PDE1C: variants seen among roughly 807,000 people sequenced by gnomAD.
PDE1C encodes the protein phosphodiesterase 1C.
Under a neutral mutation model 93.1 loss-of-function variants are expected in PDE1C, and 62 were observed. The observed-to-expected ratio is 0.67, with a 90% CI of 0.54 to 0.82. PDE1C has a LOEUF of 0.82. PDE1C is among the 40% of genes least tolerant of loss of function. PDE1C has a pLI of 0.00. For synonymous variants in PDE1C, 325 were observed against 310.1 expected, an observed-to-expected ratio of 1.05 and a Z score of -0.50; for missense variants, 742 against 884.6, an observed-to-expected ratio of 0.84 and a Z score of 2.04.
At chr7:31,853,973 A>C (rs7809627) in intron 7 of PDE1C, among the ~76,000 whole-genome samples, 27,589 of 150,876 alleles carry the variant, frequency 0.18, 2,705 homozygotes, top group South Asian at 0.24. Context: ...GCAATCCACC[A>C]ATCTGGGCCT....
At chr7:31,931,633 G>T (rs2128981747) in intron 2 of PDE1C, among the ~76,000 whole-genome samples, 1 of 152,270 alleles carries the variant, frequency 6.6e-6, no homozygotes, top group African/African-American at 2.4e-5. Context: ...TGGATAGGAA[G>T]AATCAATATC....
chr7:31,788,923 G>GA (rs1156548738), intron 16 of PDE1C: 2 of 152,076 alleles, frequency 1.3e-5, no homozygotes, highest in Non-Finnish European at 2.9e-5. Context: ...CTTTCTGCCT[G>GA]AAAAAATGCC....
chr7:31,791,923 G>C (rs1457815683), intron 16 of PDE1C, among the ~76,000 whole-genome samples: 2 of 152,102 alleles, frequency 1.3e-5, no homozygotes. Flanking sequence ...GCTTATGGGT[G>C]AGATGGTGGA....
At chr7:32,127,803 C>T (rs1799669183) in intron 3 of PDE1C, among the ~76,000 whole-genome samples, 1 of 151,892 alleles carries the variant, frequency 6.6e-6, no homozygotes, top group South Asian at 2.1e-4. Flanking sequence ...TAAATTATCC[C>T]CTATTTAACC....
intron 1 of PDE1C, among the ~76,000 whole-genome samples, chr7:32,368,215 C>T (rs891794100): frequency 6.6e-6 from 1 of 151,840 alleles, no homozygotes; most frequent in Admixed American, 6.6e-5. Flanking sequence ...TTGCAGACAA[C>T]ATAATCTTAT....
chr7:32,302,538 G>A (rs1230478704), upstream of PDE1C, among the ~76,000 whole-genome samples: 1 of 152,152 alleles, frequency 6.6e-6, no homozygotes. Context: ...ATATAAAAAA[G>A]AATCTGGCAG....
intron 2 of PDE1C, among the ~76,000 whole-genome samples, chr7:31,904,209 A>T (rs1314755439): frequency 6.6e-6 from 1 of 152,128 alleles, no homozygotes; most frequent in African/African-American, 2.4e-5. Flanking sequence ...TTAGGACAGA[A>T]GCTGGAATCC....
chr7:32,363,480 G>T (rs1012578163), intron 1 of PDE1C, among the ~76,000 whole-genome samples: 3 of 152,232 alleles, frequency 2.0e-5, no homozygotes, highest in Admixed American at 2.0e-4. Flanking sequence ...CCCAAACTGT[G>T]AAGTGAAACC....
chr7:32,144,435 A>T lies in PDE1C; in HGVS notation c.308+25350T>A, dbSNP rs866418229. On this transcript the variant is annotated intron_variant, in intron 3 of 18. Coordinates refer to the PDE1C transcript ENST00000396193. ...ATAGGTTTTGATTGACCCAGCCAGA[A>T]ACACCTGCCCATCTCCAGGCAATCA... Among the ~76,000 whole-genome samples the T allele has an allele frequency of 3.3e-5, 5 of 152,142 alleles. No individual in the cohort carries two copies. The South Asian group carries it at 1.0e-3, about 32-fold the overall frequency.
At chr7:31,908,283 T>G (rs1404572614) in intron 2 of PDE1C, among the ~76,000 whole-genome samples, 1 of 152,206 alleles carries the variant, frequency 6.6e-6, no homozygotes, top group African/African-American at 2.4e-5. Flanking sequence ...TTTTTTAAAT[T>G]GTTGCTTCTT....
chr7:31,733,764 G>T, the PDE1C span, among the ~76,000 whole-genome samples: 8 of 152,208 alleles, frequency 5.3e-5, no homozygotes, highest in Non-Finnish European at 1.0e-4. Flanking sequence ...GGAGGCTGAG[G>T]AGGGTGGGTC....
upstream of PDE1C, among the ~76,000 whole-genome samples, chr7:32,076,035 G>A (rs1262100546): frequency 1.3e-5 from 2 of 152,050 alleles, no homozygotes; most frequent in Non-Finnish European, 2.9e-5. Flanking sequence ...GTCTGGCCTG[G>A]GCTAACCAAG....
chr7:32,175,409 C>T (rs1412570132), intron 2 of PDE1C, among the ~76,000 whole-genome samples: 10 of 152,170 alleles, frequency 6.6e-5, no homozygotes, highest in Non-Finnish European at 7.3e-5. Flanking sequence ...CTCTAAAATG[C>T]TTTATTGCTG....
At chr7:32,318,611 C>A (rs1229273473) in intron 1 of PDE1C, among the ~76,000 whole-genome samples, 1 of 152,200 alleles carries the variant, frequency 6.6e-6, no homozygotes, top group African/African-American at 2.4e-5. Context: ...CTGCACAAGC[C>A]TTCTTGGGCA....
At chr7:32,029,729 A>C (rs780068643) in intron 2 of PDE1C, among the ~76,000 whole-genome samples, 1 of 152,122 alleles carries the variant, frequency 6.6e-6, no homozygotes, top group Non-Finnish European at 1.5e-5. Flanking sequence ...AGGTTTAAAA[A>C]ATTGTGTAAA....
At chr7:31,743,368 C>G in the PDE1C span, among the ~76,000 whole-genome samples, 13 of 152,122 alleles carry the variant, frequency 8.5e-5, no homozygotes, top group South Asian at 2.1e-4. Context: ...CCGCTCTTCC[C>G]CCTCCTTGGA....
chr7:31,878,000 G>T lies in PDE1C; in HGVS notation c.462C>A (p.Ser154Arg), dbSNP rs750382262. The change falls in exon 5 of 18, where the codon AGC (serine) becomes AGA (arginine). Residue 154 changes from serine to arginine, a missense_variant. By Grantham distance (110) the Ser-to-Arg change is moderately radical. This residue lies in a region of PDE1C where 205 missense variants were observed against 295.3 expected (regional missense o/e 0.69). Coordinates refer to ENST00000396191, the MANE Select transcript of PDE1C (RefSeq NM_001191057.4). ...ATGCCTCAATAACAGCTGGTGGATAGCTCAGTCCAACCATGTTTGATGTCC... is the reference window on the plus strand; with the variant it reads ...ATGCCTCAATAACAGCTGGTGGATATCTCAGTCCAACCATGTTTGATGTCC... ...YRRTSNMVGL[S>R]YPPAVIEALK... 1 of 1,612,824 alleles carries T rather than the reference G, an allele frequency of 6.2e-7. No homozygotes were observed. The highest frequency in any genetic ancestry group is 8.5e-7 in the Non-Finnish European group (1 of 1,179,326).
In PDE1C at chr7:32,003,634, G is replaced by C. The variant is rs549548710; in HGVS notation, c.128+47920C>G. Reference sequence around the variant, plus strand: ...CCATCCATTATAACAACATAGCTATGACTGGATTCAGCTATGGTAGTCATT... The same window carrying C: ...CCATCCATTATAACAACATAGCTATCACTGGATTCAGCTATGGTAGTCATT... On this transcript the variant is annotated intron_variant, in intron 2 of 17. Transcript: ENST00000396191. Among the ~76,000 whole-genome samples, 3 of 152,246 alleles carry C rather than the reference G, an allele frequency of 2.0e-5. No individual in the cohort carries two copies. In the South Asian group the frequency reaches 6.2e-4, roughly 32 times the overall value.
At chr7:31,715,360 T>A in the PDE1C span, among the ~76,000 whole-genome samples, 1 of 152,100 alleles carries the variant, frequency 6.6e-6, no homozygotes, top group Non-Finnish European at 1.5e-5. Context: ...TGCCTCAGCC[T>A]CCTGAGTAGC....
Sources: allele counts gnomAD v4.1 joint callset (sites outside exome capture counted in the v4.1 genomes callset), GRCh38; gene constraint gnomAD v4.1.1; regional missense constraint gnomAD v4.1.1; transcripts MANE v1.5; gene names NCBI Gene and HGNC (gene_info 2026-07-23, HGNC 2026-07-21).